Variants in IRAK1BP1 observed in about 807,000 individuals in gnomAD.
The protein encoded by IRAK1BP1 is interleukin-1 receptor-associated kinase 1-binding protein 1.
Under a neutral mutation model 28.0 loss-of-function variants are expected in IRAK1BP1, and 24 were observed. The ratio of observed to expected loss-of-function variants is 0.86; its 90% CI spans 0.62 to 1.20. IRAK1BP1 has a LOEUF of 1.20. Ranked by LOEUF, IRAK1BP1 falls within the 50% of genes most tolerant of loss-of-function variation. The pLI, the probability that IRAK1BP1 is intolerant of heterozygous loss-of-function variation, is 0.00. For missense variants in IRAK1BP1, 336 were observed against 316.7 expected (o/e 1.06, Z -0.46); for synonymous variants, 131 against 116.3 (o/e 1.13, Z -0.81).
chr6:78,974,934 T>C, the IRAK1BP1 span, among the ~76,000 whole-genome samples: 1 of 151,828 alleles, frequency 6.6e-6, no homozygotes, highest in East Asian at 1.9e-4. Flanking sequence ...AGCCGAATTC[T>C]ACCAGAGGTA....
chr6:78,909,722 G>A (rs918546222), intron 4 of IRAK1BP1, among the ~76,000 whole-genome samples: 1 of 152,120 alleles, frequency 6.6e-6, no homozygotes, highest in African/African-American at 2.4e-5. Flanking sequence ...TAAGACACAT[G>A]GGAACCAATT....
chr6:78,882,588 A>G (rs570564855), intron 1 of IRAK1BP1, among the ~76,000 whole-genome samples: 1 of 152,314 alleles, frequency 6.6e-6, no homozygotes, highest in South Asian at 2.1e-4. Flanking sequence ...TAATCATGAG[A>G]AAACATCAAT....
At chr6:78,885,318 G>C in intron 1 of IRAK1BP1, 60 bp from the exon 2 acceptor site, 1 of 931,412 alleles carries the variant, frequency 1.1e-6, no homozygotes. Context: ...TCTAATTTAT[G>C]TTTTAGAGTA....
rs35606311 is a variant in IRAK1BP1 at position 78,890,414 on chromosome 6, TAA to T, written c.381+4983_381+4984del. On this transcript the variant is annotated intron_variant, in intron 2 of 3. Transcript: ENST00000369940. Reference sequence around the variant, plus strand: ...GTATCCCAGAACTTAAAGTATAAGTTAAAAAAAAAAAAAGTCCAAAAAGAGAG... The same window carrying T: ...GTATCCCAGAACTTAAAGTATAAGTTAAAAAAAAAAAGTCCAAAAAGAGAG... 2.6e-3 allele frequency among the ~76,000 whole-genome samples: 377 copies of T among 142,952 alleles called. 1 individual carries two copies. The highest frequency in any genetic ancestry group is 7.6e-3 in the African/African-American group (292 of 38,206). 93.8% of individuals were successfully genotyped at this position (142,952 alleles called of 152,430 possible). A position where few individuals can be genotyped will look rare whatever the true frequency, so the allele number is the denominator to read the frequency against.
chr6:78,879,379 A>G (rs779124444), intron 1 of IRAK1BP1, among the ~76,000 whole-genome samples: 66 of 152,168 alleles, frequency 4.3e-4, no homozygotes, highest in Non-Finnish European at 8.4e-4. Context: ...TAAAAAAATC[A>G]CTGGGCTAAA....
chr6:78,947,510 G>C, downstream of IRAK1BP1: 1 of 580,404 alleles, frequency 1.7e-6, no homozygotes, highest in Non-Finnish European at 3.0e-6. Context: ...ACAACATTAA[G>C]AATGTAACAG....
rs566071863 is a variant in IRAK1BP1, at chr6:78,887,440, C to T, written c.381+1997C>T. On this transcript the variant is annotated intron_variant, in intron 2 of 3. Transcript: ENST00000369940. The stretch of plus-strand genomic sequence containing the variant: ...CAGCACTTTGGGAGGTCGAGGTGGG[C>T]GGATCACGAGGTCAGGAGTTCAAGA... Among the ~76,000 whole-genome samples, 106 of 152,044 alleles carry T rather than the reference C, an allele frequency of 7.0e-4. 1 individual carries two copies. The South Asian group carries it at 9.8e-3, about 14-fold the overall frequency.
At chr6:78,972,565 C>T in the IRAK1BP1 span, among the ~76,000 whole-genome samples, 21 of 152,090 alleles carry the variant, frequency 1.4e-4, no homozygotes, top group South Asian at 4.2e-4. Context: ...AGGCTTCAGA[C>T]GATCAAATTA....
chr6:78,904,062 A>T (rs181715486), downstream of IRAK1BP1, among the ~76,000 whole-genome samples: 1 of 152,218 alleles, frequency 6.6e-6, no homozygotes, highest in Non-Finnish European at 1.5e-5. Context: ...TTATTCTCAA[A>T]TAAGACAGAT....
chr6:78,913,577 C>T (rs1192954425), intron 4 of IRAK1BP1, among the ~76,000 whole-genome samples: 1 of 152,172 alleles, frequency 6.6e-6, no homozygotes. Flanking sequence ...ACCCAGGAGC[C>T]AGAGGTTGCA....
chr6:78,958,220 A>T, the IRAK1BP1 span: 1 of 290,452 alleles, frequency 3.4e-6, no homozygotes, highest in Non-Finnish European at 6.3e-6. Flanking sequence ...TTTTTAAACA[A>T]TTTTAACCTT....
At chr6:78,868,841 A>G (rs1770690040) in intron 1 of IRAK1BP1, among the ~76,000 whole-genome samples, 1 of 152,342 alleles carries the variant, frequency 6.6e-6, no homozygotes, top group African/African-American at 2.4e-5. Flanking sequence ...CTCATTTTAT[A>G]GAGTAGGACC....
At chr6:78,882,000 T>C (rs1176002644) in intron 1 of IRAK1BP1, among the ~76,000 whole-genome samples, 2 of 152,120 alleles carry the variant, frequency 1.3e-5, no homozygotes, top group African/African-American at 2.4e-5. Context: ...TAAGTTAGTA[T>C]CTGTGTGCGT....
At chr6:78,888,643 G>A (rs1268490293) in intron 2 of IRAK1BP1, among the ~76,000 whole-genome samples, 1 of 151,606 alleles carries the variant, frequency 6.6e-6, no homozygotes, top group Non-Finnish European at 1.5e-5. Context: ...TCAGCCTCTG[G>A]AGTTGCTGGG....
intron 4 of IRAK1BP1, chr6:78,941,158 C>T: frequency 1.2e-6 from 2 of 1,613,972 alleles, no homozygotes; most frequent in South Asian, 1.1e-5. Context: ...GCTTTGCATA[C>T]TGTAGCTTTT....
At chr6:78,904,561 CATATTT>C (rs1772212130), downstream of IRAK1BP1, among the ~76,000 whole-genome samples, 1 of 152,162 alleles carries the variant, frequency 6.6e-6, no homozygotes, top group Non-Finnish European at 1.5e-5. Flanking sequence ...TTTAGAAAAT[CATATTT>C]GTATTTGATA....
At chr6:78,946,332 T>C (rs1773817099) in exon 5 of IRAK1BP1, 1 of 1,458,430 alleles carries the variant, frequency 6.9e-7, no homozygotes, top group Non-Finnish European at 9.2e-7. Context: ...TATAATATTT[T>C]TGGATTCAAT....
chr6:78,943,544 A>C lies in IRAK1BP1; in HGVS notation c.*68-1864A>C, dbSNP rs1188968145. ...TGCAAAGCATTTTGGTTATTCAAAC[A>C]CTTATTATCTTCTGTATAATGGGCA... On this transcript the variant is annotated intron_variant and NMD_transcript_variant, in intron 4 of 4. Coordinates refer to the IRAK1BP1 transcript ENST00000606868. 5.9e-5 allele frequency among the ~76,000 whole-genome samples: 9 copies of C among 152,222 alleles called. No individual in the cohort carries two copies. In the East Asian group the frequency reaches 1.7e-3, roughly 29 times the overall value.
exon 5 of IRAK1BP1, chr6:78,946,100 C>T (rs961217222): frequency 6.2e-7 from 1 of 1,613,780 alleles, no homozygotes; most frequent in Non-Finnish European, 8.5e-7. Context: ...TCTACAACCA[C>T]TCGGTTGCTT....
Sources: allele counts gnomAD v4.1 joint callset (sites outside exome capture counted in the v4.1 genomes callset), GRCh38; gene constraint gnomAD v4.1.1; transcripts MANE v1.5; gene names NCBI Gene and HGNC (gene_info 2026-07-23, HGNC 2026-07-21).